TMTC2: variants seen among roughly 807,000 people sequenced by gnomAD.
TMTC2 encodes transmembrane O-mannosyltransferase targeting cadherins 2.
Under a neutral mutation model 82.4 loss-of-function variants are expected in TMTC2, and 43 were observed. The ratio of observed to expected loss-of-function variants is 0.52; its 90% CI spans 0.41 to 0.67. TMTC2 has a LOEUF of 0.67. Ranked by LOEUF, TMTC2 falls within the 30% of genes least tolerant of loss-of-function variation. TMTC2 has a pLI of 0.00. For missense variants in TMTC2, 919 were observed against 1,012.4 expected, an observed-to-expected ratio of 0.91 and a Z score of 1.25; for synonymous variants, 408 against 381.9, an observed-to-expected ratio of 1.07 and a Z score of -0.80.
intron 10 of TMTC2, among the ~76,000 whole-genome samples, chr12:83,058,026 A>G (rs577683173): frequency 1.3e-5 from 2 of 151,846 alleles, no homozygotes; most frequent in African/African-American, 4.8e-5. Flanking sequence ...ATATTAAGTT[A>G]TTCTATTACA....
chr12:83,041,175 C>G (rs1592711763), intron 9 of TMTC2, among the ~76,000 whole-genome samples: 1 of 152,134 alleles, frequency 6.6e-6, no homozygotes, highest in East Asian at 1.9e-4. Context: ...AGCATACATT[C>G]TTTTCAATCT....
intron 1 of TMTC2, among the ~76,000 whole-genome samples, chr12:82,842,773 C>G (rs150575010): frequency 6.6e-6 from 1 of 152,120 alleles, no homozygotes; most frequent in Non-Finnish European, 1.5e-5. Flanking sequence ...TTGCTGTGTC[C>G]TAGCATGGTC....
intron 2 of TMTC2, among the ~76,000 whole-genome samples, chr12:82,893,706 A>T (rs1873514864): frequency 6.6e-6 from 1 of 152,178 alleles, no homozygotes; most frequent in East Asian, 1.9e-4. Flanking sequence ...TTAAAAAAAA[A>T]ACTTTCATAC....
intron 2 of TMTC2, among the ~76,000 whole-genome samples, chr12:82,876,028 C>CGGTGGTGGTGGCGGT (rs1872476597): frequency 2.4e-5 from 2 of 83,488 alleles, no homozygotes; most frequent in Admixed American, 1.6e-4. Flanking sequence ...GTAGTGGTGG[C>CGGTGGTGGTGGCGGT]GGTGGTGGTG....
chr12:82,928,438 A>G (rs185324660), intron 3 of TMTC2, among the ~76,000 whole-genome samples: 6 of 152,328 alleles, frequency 3.9e-5, no homozygotes, highest in East Asian at 1.9e-4. Context: ...GAAGATAATT[A>G]TAATTTATTT....
At chr12:82,716,513 G>A (rs926483561) in intron 1 of TMTC2, among the ~76,000 whole-genome samples, 14 of 151,966 alleles carry the variant, frequency 9.2e-5, no homozygotes, top group Admixed American at 2.6e-4. Flanking sequence ...ACAGGCGCGC[G>A]CCACCATGCC....
At chr12:82,898,030 A>G (rs1220435817) in intron 3 of TMTC2, among the ~76,000 whole-genome samples, 1 of 152,222 alleles carries the variant, frequency 6.6e-6, no homozygotes, top group Non-Finnish European at 1.5e-5. Flanking sequence ...TGATGAGCAC[A>G]AATTAAGTCA....
chr12:83,068,768 T>G (rs142335298), intron 11 of TMTC2, among the ~76,000 whole-genome samples: 2 of 152,224 alleles, frequency 1.3e-5, no homozygotes, highest in Admixed American at 6.5e-5. Flanking sequence ...GTTACATGAG[T>G]ACTTTAGTGG....
chr12:82,755,381 C>T (rs1231655146), intron 1 of TMTC2, among the ~76,000 whole-genome samples: 2 of 152,190 alleles, frequency 1.3e-5, no homozygotes, highest in Non-Finnish European at 2.9e-5. Context: ...AGAGGGGCTG[C>T]TCACACCCCA....
chr12:82,950,599 T>C (rs988736464), intron 4 of TMTC2, among the ~76,000 whole-genome samples: 1 of 152,186 alleles, frequency 6.6e-6, no homozygotes, highest in Non-Finnish European at 1.5e-5. Flanking sequence ...TAAAGCGTCT[T>C]ATTCACCACC....
intron 10 of TMTC2, among the ~76,000 whole-genome samples, chr12:83,054,248 C>T (rs1294860505): frequency 6.6e-6 from 1 of 151,996 alleles, no homozygotes; most frequent in African/African-American, 2.4e-5. Flanking sequence ...AAAGTATAAC[C>T]TAACTTAGCT....
chr12:82,731,399 C>T (rs1874802984), intron 1 of TMTC2, among the ~76,000 whole-genome samples: 2 of 152,048 alleles, frequency 1.3e-5, no homozygotes, highest in African/African-American at 2.4e-5. Context: ...GAAAATTATA[C>T]GTTAGTGTGA....
intron 3 of TMTC2, among the ~76,000 whole-genome samples, chr12:82,901,787 T>G (rs537000041): frequency 2.6e-5 from 4 of 152,300 alleles, no homozygotes; most frequent in Non-Finnish European, 4.4e-5. Context: ...GTGCCAGAGA[T>G]GCCACATTCC....
chr12:83,040,292 C>G (rs1269600287), intron 9 of TMTC2, among the ~76,000 whole-genome samples: 1 of 152,152 alleles, frequency 6.6e-6, no homozygotes, highest in Non-Finnish European at 1.5e-5. Context: ...TTGTGGGTCT[C>G]CAGTGGTGAC....
At chr12:82,714,363 A>G (rs1289228295) in intron 1 of TMTC2, among the ~76,000 whole-genome samples, 2 of 152,234 alleles carry the variant, frequency 1.3e-5, no homozygotes, top group East Asian at 3.8e-4. Context: ...TGGAATTGTT[A>G]TATTTAATTT....
At chr12:82,866,254 A>C (rs1486142029) in intron 2 of TMTC2, among the ~76,000 whole-genome samples, 23 of 142,726 alleles carry the variant, frequency 1.6e-4, no homozygotes, top group South Asian at 2.1e-4. Flanking sequence ...CAAAAAAAAA[A>C]AAAAAAAAAC....
chr12:82,860,209 T>A (rs1456267277), intron 2 of TMTC2, among the ~76,000 whole-genome samples: 1 of 152,130 alleles, frequency 6.6e-6, no homozygotes, highest in East Asian at 1.9e-4. Flanking sequence ...CCTGACCTTG[T>A]GATCCGCCCG....
intron 8 of TMTC2, among the ~76,000 whole-genome samples, chr12:82,997,045 C>T (rs1332947430): frequency 6.6e-6 from 1 of 151,566 alleles, no homozygotes; most frequent in Non-Finnish European, 1.5e-5. Context: ...TGTCTGTCTT[C>T]CCCTTTTCTA....
chr12:82,914,020 T>C (rs571641630), intron 3 of TMTC2, among the ~76,000 whole-genome samples: 1 of 152,332 alleles, frequency 6.6e-6, no homozygotes, highest in Admixed American at 6.5e-5. Flanking sequence ...TTCAAACCTA[T>C]GTTGTTCAAG....
Sources: allele counts gnomAD v4.1 joint callset (sites outside exome capture counted in the v4.1 genomes callset), GRCh38; gene constraint gnomAD v4.1.1; transcripts MANE v1.5; gene names NCBI Gene and HGNC (gene_info 2026-07-23, HGNC 2026-07-21).